COPG2: variants seen among roughly 807,000 people sequenced by gnomAD.
COPG2 encodes coat protein complex I subunit gamma 2.
In COPG2, 37 loss-of-function variants were observed where a neutral mutation model predicts 46.3. The ratio of observed to expected loss-of-function variants is 0.80; its 90% CI spans 0.61 to 1.05. The LOEUF (loss-of-function observed/expected upper bound fraction) is 1.05, where lower values mean the gene tolerates loss of function less well. COPG2 is among the 50% of genes least tolerant of loss of function. The pLI is 0.00. For missense variants in COPG2, 427 were observed against 387.8 expected (o/e 1.10, Z -0.85); for synonymous variants, 159 against 129.7 (o/e 1.23, Z -1.53).
chr7:130,580,579 C>T (rs1339575484), intron 9 of COPG2, among the ~76,000 whole-genome samples: 1 of 125,164 alleles, frequency 8.0e-6, no homozygotes, highest in Non-Finnish European at 1.6e-5. Flanking sequence ...AAAGGATCAA[C>T]AAAATTGATA....
intron 5 of COPG2, among the ~76,000 whole-genome samples, chr7:130,635,892 T>C (rs181508396): frequency 1.1e-3 from 163 of 152,364 alleles, no homozygotes; most frequent in African/African-American, 3.6e-3. Context: ...CCAGAGATTA[T>C]GTTACGTTGT....
chr7:130,604,730 T>G (rs782732773), intron 9 of COPG2: 1 of 517,644 alleles, frequency 1.9e-6, no homozygotes, highest in Non-Finnish European at 3.9e-6. Flanking sequence ...ATAGCAGGCA[T>G]TTTTGTCTGT....
chr7:130,668,185 G>A (rs1294017831), intron 1 of COPG2, among the ~76,000 whole-genome samples: 1 of 152,114 alleles, frequency 6.6e-6, no homozygotes, highest in Non-Finnish European at 1.5e-5. Context: ...CCAGGAAAAC[G>A]ATAAGGTACC....
At chr7:130,575,938 A>G (rs1459592999) in intron 9 of COPG2, among the ~76,000 whole-genome samples, 1 of 152,254 alleles carries the variant, frequency 6.6e-6, no homozygotes, top group African/African-American at 2.4e-5. Flanking sequence ...CAGACAAAAC[A>G]AACTTTAAAG....
chr7:130,601,998 G>A (rs1016994564), intron 9 of COPG2, among the ~76,000 whole-genome samples: 35 of 152,130 alleles, frequency 2.3e-4, no homozygotes, highest in African/African-American at 7.5e-4. Flanking sequence ...GTAAAATTAC[G>A]TGGATCCTCC....
At chr7:130,640,765 C>T (rs1554457095) in intron 5 of COPG2, among the ~76,000 whole-genome samples, 4 of 152,108 alleles carry the variant, frequency 2.6e-5, no homozygotes, top group Non-Finnish European at 4.4e-5. Flanking sequence ...TCCACTTCTG[C>T]CTGTGTGAGT....
intron 5 of COPG2, among the ~76,000 whole-genome samples, chr7:130,636,538 G>GTTTTTTTTTT (rs59688621): frequency 1.1e-4 from 10 of 94,112 alleles, no homozygotes; most frequent in African/African-American, 1.7e-4. Context: ...ATTGCAACCG[G>GTTTTTTTTTT]TTTTTTTTTT....
chr7:130,509,051 C>A (rs782782127), intron 20 of COPG2: 14 of 468,238 alleles, frequency 3.0e-5, no homozygotes, highest in East Asian at 3.0e-4. Context: ...AAAAAAAAAA[C>A]CTGTGGTAAA....
In COPG2 at chr7:130,659,333, C is replaced by T. The variant is rs540296174; in HGVS notation, c.243+3634G>A. Among the ~76,000 whole-genome samples the T allele has an allele frequency of 7.8e-4, 87 of 111,944 alleles. 1 individual carries two copies. Among genetic ancestry groups the T allele is most frequent in the African/African-American group, 2.4e-3 (77 of 32,142 alleles). The allele number at this position is 111,944 out of a possible 152,430, so 73.4% of individuals were successfully genotyped here. ...TCATGCCATTGCACTCCAGCCTGGG[C>T]GACAGAGCAAGACTCCGTCTCAAAA... On this transcript the variant is annotated intron_variant, in intron 4 of 23. Transcript: ENST00000425248.
chr7:130,599,339 G>T (rs1379422263), intron 9 of COPG2, among the ~76,000 whole-genome samples: 9 of 152,130 alleles, frequency 5.9e-5, no homozygotes, highest in Non-Finnish European at 1.5e-5. Context: ...CACTGGATTT[G>T]ACCTAGATTT....
chr7:130,509,103 G>A lies in COPG2; in HGVS notation c.2150-444C>T. 4.5e-6 allele frequency: 2 copies of A among 449,334 alleles called. 1 individual carries two copies. Among genetic ancestry groups the A allele is most frequent in the South Asian group, 3.3e-5 (2 of 60,470 alleles). 27.8% of individuals were successfully genotyped at this position (449,334 alleles called of 1,614,324 possible). Reference sequence around the variant, plus strand: ...AGATTAACATTGACCAATCTCATCAGCATCTCAATACTATCTTTAGATTGT... The same window carrying A: ...AGATTAACATTGACCAATCTCATCAACATCTCAATACTATCTTTAGATTGT... On this transcript the variant is annotated intron_variant, in intron 20 of 23. Coordinates refer to ENST00000425248, the MANE Select transcript of COPG2 (RefSeq NM_012133.6).
In COPG2 at chr7:130,621,049, T is replaced by C. The variant is rs1795030801; in HGVS notation, c.324-3984A>G. Among the ~76,000 whole-genome samples, 4 of 152,034 alleles carry C rather than the reference T, an allele frequency of 2.6e-5. No individual in the cohort carries two copies. The South Asian group carries it at 8.3e-4, about 32-fold the overall frequency. ...TGAGTCCTAAATGTAATCACAAGTG[T>C]CCCCATAAGAGCAAGGCAGAGGGAG... On this transcript the variant is annotated intron_variant, in intron 5 of 23. Coordinates refer to ENST00000425248, the MANE Select transcript of COPG2 (RefSeq NM_012133.6).
chr7:130,653,480 T>G (rs1245908622), intron 4 of COPG2, among the ~76,000 whole-genome samples: 1 of 152,210 alleles, frequency 6.6e-6, no homozygotes, highest in African/African-American at 2.4e-5. Flanking sequence ...TCCTGGAAAA[T>G]GTGCAAACTC....
chr7:130,567,684 A>G (rs1793826652), intron 9 of COPG2, among the ~76,000 whole-genome samples: 1 of 152,222 alleles, frequency 6.6e-6, no homozygotes, highest in South Asian at 2.1e-4. Flanking sequence ...AATAATTATC[A>G]GCCAAGAATT....
chr7:130,520,343 AGAG>A lies in COPG2; in HGVS notation c.2150-11687_2150-11685del, dbSNP rs1255813724. On this transcript the variant is annotated intron_variant, in intron 20 of 23. Transcript: ENST00000425248. ...ATATAAAAAAGAAAAAGGAAAAGGG[AGAG>A]GAGAAGATGCTTGGTTGGAGGAAAA... Among the ~76,000 whole-genome samples the A allele has an allele frequency of 3.9e-5, 6 of 152,248 alleles. No individual in the cohort carries two copies. The East Asian group carries it at 9.7e-4, about 25-fold the overall frequency.
At chr7:130,630,193 G>C (rs1039864629) in intron 5 of COPG2, among the ~76,000 whole-genome samples, 5 of 152,074 alleles carry the variant, frequency 3.3e-5, no homozygotes, top group Non-Finnish European at 7.4e-5. Flanking sequence ...TTACAGGTTT[G>C]AGCCACCGCA....
intron 9 of COPG2, among the ~76,000 whole-genome samples, chr7:130,578,958 G>C (rs1302970169): frequency 6.8e-6 from 1 of 148,094 alleles, no homozygotes; most frequent in East Asian, 2.0e-4. Context: ...CCCCAATCTA[G>C]CAAGGCAGGC....
intron 4 of COPG2, among the ~76,000 whole-genome samples, chr7:130,659,140 G>A (rs186067074): frequency 9.2e-5 from 14 of 151,968 alleles, no homozygotes; most frequent in Non-Finnish European, 1.9e-4. Flanking sequence ...CGGATCACAA[G>A]GTCAGCAGAT....
At chr7:130,623,678 G>A (rs1450657335) in intron 5 of COPG2, among the ~76,000 whole-genome samples, 1 of 152,068 alleles carries the variant, frequency 6.6e-6, no homozygotes, top group Non-Finnish European at 1.5e-5. Flanking sequence ...ATAACATTGA[G>A]TTGGCCTATT....
Sources: gnomAD v4.1 joint callset for allele counts (sites outside exome capture counted in the v4.1 genomes callset) on GRCh38, gnomAD v4.1.1 for gene constraint, MANE v1.5 for transcripts, NCBI Gene and HGNC (gene_info 2026-07-23, HGNC 2026-07-21) for gene names.